SSPN: variants seen among roughly 807,000 people sequenced by gnomAD.
SSPN encodes the protein K-ras oncogene-associated protein.
A neutral mutation model predicts 19.1 loss-of-function variants in SSPN; 15 were observed. The observed-to-expected ratio is 0.78, with a 90% confidence interval of 0.52 to 1.21. The LOEUF (loss-of-function observed/expected upper bound fraction) is 1.21, where lower values mean the gene tolerates loss of function less well. Ranked by LOEUF, SSPN falls within the 50% of genes most tolerant of loss-of-function variation. The pLI, the probability that SSPN is intolerant of heterozygous loss-of-function variation, is 0.00. For missense variants in SSPN, 291 were observed against 314.0 expected, an observed-to-expected ratio of 0.93 and a Z score of 0.55; for synonymous variants, 147 against 140.3, an observed-to-expected ratio of 1.05 and a Z score of -0.34.
chr12:26,152,242 A>G lies in SSPN; in HGVS notation c.-31+30090A>G, dbSNP rs527291124. On this transcript the variant is annotated intron_variant, in intron 1 of 2. Transcript: ENST00000538142. ...GCCACTGCTTGCAGGAAAGATATGC[A>G]GCAGCTTACCATTATGTAATATTTC... Among the ~76,000 whole-genome samples the G allele has an allele frequency of 4.3e-4, 65 of 152,312 alleles. No individual in the cohort carries two copies. The South Asian group carries it at 0.013, about 30-fold the overall frequency.
intron 1 of SSPN, chr12:26,211,807 C>T (rs1944989394): frequency 1.3e-5 from 2 of 152,166 alleles, no homozygotes; most frequent in Admixed American, 1.3e-4. Context: ...CTAAACTACA[C>T]AGCAATGCAA....
At chr12:26,131,753 A>G (rs939068272) in intron 1 of SSPN, among the ~76,000 whole-genome samples, 1 of 152,220 alleles carries the variant, frequency 6.6e-6, no homozygotes, top group East Asian at 1.9e-4. Context: ...GTATTAAGGC[A>G]GGTGTCTTAT....
intron 1 of SSPN, among the ~76,000 whole-genome samples, chr12:26,170,711 T>C (rs987946083): frequency 3.9e-5 from 6 of 152,356 alleles, no homozygotes; most frequent in Middle Eastern, 3.4e-3. Context: ...TCTGATATTT[T>C]GTGTTTTGGA....
intron 1 of SSPN, among the ~76,000 whole-genome samples, chr12:26,136,091 C>T (rs1231422717): frequency 2.0e-5 from 3 of 152,124 alleles, no homozygotes; most frequent in African/African-American, 7.2e-5. Flanking sequence ...GACATTTTCC[C>T]CTTGTCATTA....
chr12:26,170,678 A>G (rs954837471), intron 1 of SSPN, among the ~76,000 whole-genome samples: 3 of 152,208 alleles, frequency 2.0e-5, no homozygotes, highest in Non-Finnish European at 4.4e-5. Context: ...AGTAAGCTAG[A>G]GGAAATTTGC....
rs886839137 is a variant in SSPN at position 26,231,148 on chromosome 12, TAAAC to T, written c.*76_*79del. The T allele has an allele frequency of 7.6e-6, 11 of 1,446,894 alleles. No individual in the cohort carries two copies. The African/African-American group carries it at 8.6e-5, about 11-fold the overall frequency. The allele number at this position is 1,446,894 out of a possible 1,614,324, so 89.6% of individuals were successfully genotyped here. A position where few individuals can be genotyped will look rare whatever the true frequency, so the allele number is the denominator to read the frequency against. ...AGGTTAAACAAACAAAAAAAAATTT[TAAAC>T]AAAGAAAGGAAAAAAATTGACAATA... On this transcript the variant is annotated 3_prime_UTR_variant, in exon 3 of 3. Coordinates refer to ENST00000242729, the MANE Select transcript of SSPN (RefSeq NM_005086.5).
intron 1 of SSPN, among the ~76,000 whole-genome samples, chr12:26,223,769 T>G (rs192721251): frequency 1.3e-5 from 2 of 152,350 alleles, no homozygotes; most frequent in East Asian, 3.9e-4. Context: ...GAATACAATA[T>G]AAAGCCCTTA....
chr12:26,203,619 C>G (rs1944905352), intron 1 of SSPN, among the ~76,000 whole-genome samples: 1 of 152,144 alleles, frequency 6.6e-6, no homozygotes, highest in African/African-American at 2.4e-5. Context: ...ACTCCATCAC[C>G]CTGGTTAATT....
chr12:26,150,085 T>C (rs1228528216), intron 1 of SSPN, among the ~76,000 whole-genome samples: 1 of 152,238 alleles, frequency 6.6e-6, no homozygotes, highest in Non-Finnish European at 1.5e-5. Flanking sequence ...AACACCATCC[T>C]AACCTAGGGC....
intron 1 of SSPN, chr12:26,122,716 G>A (rs779912772): frequency 6.3e-7 from 1 of 1,590,168 alleles, no homozygotes; most frequent in South Asian, 1.1e-5. Context: ...GGAGGCTCCT[G>A]CTTGATGGTG....
At chr12:26,156,774 G>C (rs1944558334) in intron 1 of SSPN, among the ~76,000 whole-genome samples, 1 of 152,200 alleles carries the variant, frequency 6.6e-6, no homozygotes, top group Non-Finnish European at 1.5e-5. Flanking sequence ...AGGAAGTACG[G>C]TTGCTGTAGA....
At chr12:26,230,076 G>A (rs1945214492) in intron 2 of SSPN, among the ~76,000 whole-genome samples, 2 of 152,238 alleles carry the variant, frequency 1.3e-5, no homozygotes, top group South Asian at 4.1e-4. Flanking sequence ...TCGTTGTTGG[G>A]CTTGGGGTAA....
chr12:26,168,955 A>G (rs762874178), intron 1 of SSPN, among the ~76,000 whole-genome samples: 2 of 152,058 alleles, frequency 1.3e-5, no homozygotes, highest in Non-Finnish European at 2.9e-5. Flanking sequence ...GGTACTATTA[A>G]TAAGATTACA....
At chr12:26,217,331 G>A (rs1445085125) in intron 1 of SSPN, among the ~76,000 whole-genome samples, 1 of 138,954 alleles carries the variant, frequency 7.2e-6, no homozygotes, top group Non-Finnish European at 1.5e-5. Context: ...TATTCTCTTT[G>A]AAGCAATTGT....
At chr12:26,184,921 T>C (rs1944743217) in intron 1 of SSPN, among the ~76,000 whole-genome samples, 1 of 152,024 alleles carries the variant, frequency 6.6e-6, no homozygotes, top group African/African-American at 2.4e-5. Flanking sequence ...TCTCAGTGAG[T>C]TTTTTTCTAG....
At chr12:26,122,246 G>C (rs1397092956) in intron 1 of SSPN, 1 of 1,275,456 alleles carries the variant, frequency 7.8e-7, no homozygotes, top group Non-Finnish European at 9.9e-7. Flanking sequence ...CCGCCTTCTC[G>C]GGAGGGGGCG....
intron 1 of SSPN, among the ~76,000 whole-genome samples, chr12:26,218,317 TGGGGTGG>T (rs1945079499): frequency 4.1e-5 from 2 of 48,912 alleles, no homozygotes; most frequent in African/African-American, 1.9e-4. Context: ...GGGACTGTTG[TGGGGTGG>T]GGGGAGGGGG....
intron 1 of SSPN, among the ~76,000 whole-genome samples, chr12:26,187,141 C>G (rs1253300738): frequency 6.6e-6 from 1 of 152,224 alleles, no homozygotes. Flanking sequence ...GGTTCTGATT[C>G]ATCCTGCTCT....
At chr12:26,123,554 G>C in intron 1 of SSPN, 1 of 989,886 alleles carries the variant, frequency 1.0e-6, no homozygotes, top group Non-Finnish European at 1.6e-6. Context: ...GGGTGCGGGT[G>C]AGGGAGTCCT....
Sources: allele counts gnomAD v4.1 joint callset (sites outside exome capture counted in the v4.1 genomes callset), GRCh38; gene constraint gnomAD v4.1.1; transcripts MANE v1.5; gene names NCBI Gene and HGNC (gene_info 2026-07-23, HGNC 2026-07-21).